TESK2: variants seen among roughly 807,000 people sequenced by gnomAD.
TESK2 encodes the protein dual specificity testis-specific protein kinase 2.
In TESK2, 39 loss-of-function variants were observed where a neutral mutation model predicts 57.1. That is an observed-to-expected ratio of 0.68 (90% CI 0.53 to 0.89). TESK2 has a LOEUF of 0.89. TESK2 is among the 40% of genes least tolerant of loss of function. The pLI, the probability that TESK2 is intolerant of heterozygous loss-of-function variation, is 0.00. For synonymous variants in TESK2, 249 were observed against 267.9 expected (o/e 0.93, Z 0.69); for missense variants, 646 against 732.1 (o/e 0.88, Z 1.36).
intron 3 of TESK2, among the ~76,000 whole-genome samples, chr1:45,420,048 C>T (rs969557934): frequency 4.6e-5 from 7 of 152,048 alleles, no homozygotes; most frequent in South Asian, 2.1e-4. Flanking sequence ...CAATAAATGA[C>T]CCTAAGTAAA....
At chr1:45,396,691 G>A (rs190179435) in intron 3 of TESK2, among the ~76,000 whole-genome samples, 5 of 150,900 alleles carry the variant, frequency 3.3e-5, no homozygotes, top group African/African-American at 9.8e-5. Flanking sequence ...GTTTTGCCAC[G>A]TTGGCCAGGC....
chr1:45,419,598 G>A (rs1650381496), intron 3 of TESK2, among the ~76,000 whole-genome samples: 1 of 151,934 alleles, frequency 6.6e-6, no homozygotes, highest in Non-Finnish European at 1.5e-5. Flanking sequence ...CTGAGGTCAG[G>A]AGTTCAAGAC....
At chr1:45,410,182 T>C (rs1418218205) in intron 3 of TESK2, among the ~76,000 whole-genome samples, 1 of 152,040 alleles carries the variant, frequency 6.6e-6, no homozygotes, top group East Asian at 1.9e-4. Flanking sequence ...CACCTTACAG[T>C]CTAGTGTTAC....
chr1:45,379,801 ACCT>A (rs1648578062), intron 4 of TESK2, among the ~76,000 whole-genome samples: 1 of 152,190 alleles, frequency 6.6e-6, no homozygotes, highest in South Asian at 2.1e-4. Context: ...AGACCGAATC[ACCT>A]CGACTAGGCC....
intron 1 of TESK2, among the ~76,000 whole-genome samples, chr1:45,458,564 C>CAA (rs530668311): frequency 1.0e-4 from 11 of 104,912 alleles, no homozygotes; most frequent in Non-Finnish European, 8.0e-5. Flanking sequence ...GACACTGTCT[C>CAA]AAAAAAAAAA....
intron 3 of TESK2, among the ~76,000 whole-genome samples, chr1:45,392,120 C>G (rs2149276997): frequency 6.6e-6 from 1 of 152,290 alleles, no homozygotes; most frequent in African/African-American, 2.4e-5. Context: ...CTGTCTCGCT[C>G]TGTCACCCAG....
chr1:45,458,327 G>A (rs960916604), intron 1 of TESK2, among the ~76,000 whole-genome samples: 2 of 152,208 alleles, frequency 1.3e-5, no homozygotes, highest in Non-Finnish European at 2.9e-5. Context: ...CACTTTGGGA[G>A]GCCAAGGCAG....
At chr1:45,477,549 GA>G (rs1378139878) in intron 1 of TESK2, among the ~76,000 whole-genome samples, 1 of 150,910 alleles carries the variant, frequency 6.6e-6, no homozygotes, top group African/African-American at 2.4e-5. Flanking sequence ...TTGAACCTGG[GA>G]GACGGTGGTT....
chr1:45,471,609 T>C (rs866258629), intron 1 of TESK2, among the ~76,000 whole-genome samples: 10 of 151,966 alleles, frequency 6.6e-5, no homozygotes, highest in African/African-American at 1.7e-4. Context: ...GGTTTCACTA[T>C]GTTGGCCAGG....
chr1:45,473,935 T>C (rs2149305305), intron 1 of TESK2, among the ~76,000 whole-genome samples: 1 of 152,130 alleles, frequency 6.6e-6, no homozygotes, highest in South Asian at 2.1e-4. Context: ...AGTGCTAGGA[T>C]TACAGGCATG....
At chr1:45,446,170 T>C (rs1651641821) in intron 2 of TESK2, among the ~76,000 whole-genome samples, 1 of 147,046 alleles carries the variant, frequency 6.8e-6, no homozygotes, top group Non-Finnish European at 1.5e-5. Flanking sequence ...AAAACTTCCT[T>C]TTTTTTTTTT....
intron 1 of TESK2, among the ~76,000 whole-genome samples, chr1:45,465,061 A>AC (rs1425281630): frequency 6.6e-6 from 1 of 152,128 alleles, no homozygotes; most frequent in Non-Finnish European, 1.5e-5. Context: ...ACATGGTGAA[A>AC]CCCCGTCTCT....
chr1:45,471,862 C>T (rs1266638802), intron 1 of TESK2, among the ~76,000 whole-genome samples: 1 of 152,124 alleles, frequency 6.6e-6, no homozygotes, highest in African/African-American at 2.4e-5. Flanking sequence ...CTGCACACTA[C>T]AGCCTCGAAC....
At chr1:45,463,480 C>T (rs1270401795) in intron 1 of TESK2, among the ~76,000 whole-genome samples, 1 of 152,184 alleles carries the variant, frequency 6.6e-6, no homozygotes, top group Non-Finnish European at 1.5e-5. Flanking sequence ...GTCCTTTCCC[C>T]AGTGTATGGT....
intron 1 of TESK2, among the ~76,000 whole-genome samples, chr1:45,479,599 A>C (rs575150245): frequency 5.3e-5 from 8 of 150,950 alleles, no homozygotes; most frequent in South Asian, 2.1e-4. Context: ...CAGCCCCCCC[A>C]AAAAATTATA....
chr1:45,395,223 G>C (rs1570685251), intron 3 of TESK2, among the ~76,000 whole-genome samples: 1 of 152,060 alleles, frequency 6.6e-6, no homozygotes, highest in Non-Finnish European at 1.5e-5. Flanking sequence ...AGGTGATTTT[G>C]TGGTTGCATA....
At chr1:45,473,973 G>T (rs1652874573) in intron 1 of TESK2, among the ~76,000 whole-genome samples, 1 of 152,024 alleles carries the variant, frequency 6.6e-6, no homozygotes, top group Non-Finnish European at 1.5e-5. Flanking sequence ...AATTGGGGAA[G>T]TTTTAATAAG....
chr1:45,367,523 AT>A (rs375401600), intron 4 of TESK2, among the ~76,000 whole-genome samples: 29 of 145,472 alleles, frequency 2.0e-4, no homozygotes, highest in African/African-American at 7.2e-4. Flanking sequence ...TAATTGTTGT[AT>A]TTTTAGTAGA....
chr1:45,483,317 C>T lies in TESK2; in HGVS notation c.-87+7535G>A, dbSNP rs180697939. ...AACAACAACAACAAAAAAGAGGAGC[C>T]GGGCGTGGTGGCTCACACCTGTAAT... On this transcript the variant is annotated intron_variant, in intron 1 of 10. Coordinates refer to ENST00000372086, the MANE Select transcript of TESK2 (RefSeq NM_007170.3). Among the ~76,000 whole-genome samples the T allele has an allele frequency of 5.7e-4, 87 of 151,628 alleles. 4 individuals are homozygous for T. The South Asian group carries it at 6.2e-3, about 11-fold the overall frequency.
Sources: allele counts gnomAD v4.1 joint callset (sites outside exome capture counted in the v4.1 genomes callset), GRCh38; gene constraint gnomAD v4.1.1; transcripts MANE v1.5; gene names NCBI Gene and HGNC (gene_info 2026-07-23, HGNC 2026-07-21).